The following PLCB3 variants were observed in gnomAD, a reference collection of about 807,000 sequenced individuals.
PLCB3 encodes phospholipase C beta 3.
Under a neutral mutation model 152.1 loss-of-function variants are expected in PLCB3, and 54 were observed. That is an observed-to-expected ratio of 0.36 (90% CI 0.29 to 0.45). PLCB3 has a LOEUF of 0.45. Among genes scored for constraint, PLCB3 ranks in the 20% least tolerant of loss-of-function variants. The pLI is 1.00. For synonymous variants in PLCB3, 717 were observed against 698.7 expected, an observed-to-expected ratio of 1.03 and a Z score of -0.41; for missense variants, 1,248 against 1,687.5, an observed-to-expected ratio of 0.74 and a Z score of 4.56.
At chr11:64,262,929 G>A (rs2031928914) in intron 19 of PLCB3, 121 bp downstream of exon 19, 2 of 1,005,298 alleles carry the variant, frequency 2.0e-6, no homozygotes, top group Non-Finnish European at 1.5e-6. Flanking sequence ...AAAGTGGGGG[G>A]TGCCATGGGT....
chr11:64,255,639 C>CCGGGGGGG lies in PLCB3; in HGVS notation c.597+23_597+24insCGGGGGGG. On this transcript the variant is annotated intron_variant, in intron 7 of 30. Coordinates refer to ENST00000279230, the MANE Select transcript of PLCB3 (RefSeq NM_000932.5). This position sits in a 1 kb window ranked among gnomAD's most constrained non-coding sequence, Gnocchi z 6.8. Reference sequence around the variant, plus strand: ...CGGGTGTGTGGGGTGGGGACAGGGGCGGGGTGGGGTGTCACGGTGGGCACC... The same window carrying CCGGGGGGG: ...CGGGTGTGTGGGGTGGGGACAGGGGCCGGGGGGGGGGGTGGGGTGTCACGGTGGGCACC... 15 of 645,390 alleles carry CCGGGGGGG rather than the reference C, an allele frequency of 2.3e-5. No individual in the cohort carries two copies. Among genetic ancestry groups the CCGGGGGGG allele is most frequent in the Non-Finnish European group, 4.0e-5 (15 of 370,652 alleles). 40.0% of individuals were successfully genotyped at this position (645,390 alleles called of 1,614,324 possible). A position where few individuals can be genotyped will look rare whatever the true frequency, so the allele number is the denominator to read the frequency against.
rs1248260223 is a variant in PLCB3, at chr11:64,259,238, C to A, written c.1519C>A (p.Gln507Lys). ...SSAATEPSSPQLGSPSSDSCP... is the reference protein window; with the variant it reads ...SSAATEPSSPKLGSPSSDSCP... ...CGCGGCCACCGAGCCCTCCTCCCCGCAGCTGGGTAGGCCCCAGCCCGGCCC... is the reference window on the plus strand; with the variant it reads ...CGCGGCCACCGAGCCCTCCTCCCCGAAGCTGGGTAGGCCCCAGCCCGGCCC... Residue 507 changes from glutamine to lysine, a missense_variant, in exon 13 of 31, where the codon CAG (glutamine) becomes AAG (lysine). By Grantham distance (53) the Gln-to-Lys change is moderately conservative (BLOSUM62 1). This residue lies in a region of PLCB3 where 105 missense variants were observed against 100.9 expected (regional missense o/e 1.04). Transcript: ENST00000279230. 6 of 1,535,072 alleles carry A rather than the reference C, an allele frequency of 3.9e-6. No individual in the cohort carries two copies. The Admixed American group carries it at 9.7e-5, about 25-fold the overall frequency.
intron 19 of PLCB3, 75 bp downstream of exon 19, chr11:64,262,883 C>T: frequency 6.8e-7 from 1 of 1,470,142 alleles, no homozygotes. Flanking sequence ...GGTGGGAGAA[C>T]AGGAACCAGG....
At position 64,258,341 on chromosome 11, in the gene PLCB3, A is replaced by G; in HGVS notation, c.1013-132A>G. On this transcript the variant is annotated intron_variant, in intron 10 of 30. Transcript: ENST00000279230. The surrounding 1 kb of genome is among the most constrained non-coding windows in gnomAD (Gnocchi z 7.2). ...CCCCCAGCTCACGCTGGTGGGATGG[A>G]CAGGTGGTGGGTATCCATCTGAGAG... The G allele has an allele frequency of 1.0e-6, 1 of 988,718 alleles. No individual in the cohort carries two copies. Among genetic ancestry groups the G allele is most frequent in the Non-Finnish European group, 1.5e-6 (1 of 684,144 alleles). The allele number at this position is 988,718 out of a possible 1,614,324, so 61.2% of individuals were successfully genotyped here.
rs530167219 is a variant in PLCB3 at position 64,258,654 on chromosome 11, G to C, written c.1194G>C (p.Glu398Asp). The change falls in exon 11 of 31, where the codon GAG becomes GAC. Residue 398 changes from glutamate to aspartate, a missense_variant. Transcript: ENST00000279230. The surrounding 1 kb of genome is among the most constrained non-coding windows in gnomAD (Gnocchi z 7.2). ...PLRDVLEAIA[E>D]TAFKTSPYPV... ...GCGACGTGCTGGAGGCCATTGCCGA[G>C]ACTGCCTTCAAGACCTCGCCCTACC... 11 of 1,614,040 alleles carry C rather than the reference G, an allele frequency of 6.8e-6. No homozygotes were observed. In the South Asian group the frequency reaches 1.2e-4, roughly 18 times the overall value.
chr11:64,266,496 G>C lies in PLCB3; in HGVS notation c.3358G>C (p.Glu1120Gln). The change falls in exon 29 of 31, where the codon GAA becomes CAA. Residue 1120 changes from glutamate (E) to glutamine (Q), a missense_variant and splice_region_variant. Glu to Gln is a conservative substitution (Grantham distance 29). This residue lies in a region of PLCB3 where 477 missense variants were observed against 489.6 expected (regional missense o/e 0.97). Transcript: ENST00000279230. This position sits in a 1 kb window ranked among gnomAD's most constrained non-coding sequence, Gnocchi z 4.9. Reference protein sequence around the residue: ...KMRDKHKKEAELTEINRRHIT... With the variant: ...KMRDKHKKEAQLTEINRRHIT... ...CCATCCTGCGTTGCTCCCGTGCAGG[G>C]AACTGACGGAGATTAACCGTCGGCA... 6.2e-7 allele frequency: 1 copy of C among 1,613,756 alleles called. No homozygotes were observed. Among genetic ancestry groups the C allele is most frequent in the Non-Finnish European group, 8.5e-7 (1 of 1,179,852 alleles).
downstream of PLCB3, among the ~76,000 whole-genome samples, chr11:64,269,425 T>A (rs2032325282): frequency 6.6e-6 from 1 of 152,236 alleles, no homozygotes; most frequent in Non-Finnish European, 1.5e-5. Context: ...GGTCCCCGCA[T>A]GAAGCCTCAG....
In PLCB3 at chr11:64,258,367, A is replaced by C. The variant is rs1358731127; in HGVS notation, c.1013-106A>C. On this transcript the variant is annotated intron_variant, in intron 10 of 30. Transcript: ENST00000279230. This position sits in a 1 kb window ranked among gnomAD's most constrained non-coding sequence, Gnocchi z 7.2. ...CAGGTGGTGGGTATCCATCTGAGAG[A>C]TGGAGAGCCCTCTGCAAATCCAGCA... 1 of 1,302,956 alleles carries C rather than the reference A, an allele frequency of 7.7e-7. No individual in the cohort carries two copies. The highest frequency in any genetic ancestry group is 1.0e-6 in the Non-Finnish European group (1 of 954,778). The allele number at this position is 1,302,956 out of a possible 1,614,324, so 80.7% of individuals were successfully genotyped here.
At chr11:64,261,331 G>C (rs1591109687) in intron 14 of PLCB3, 69 bp from the exon 15 acceptor site, 1 of 1,110,856 alleles carries the variant, frequency 9.0e-7, no homozygotes, top group East Asian at 2.3e-5. Flanking sequence ...CCTCCTTCAT[G>C]GGGGGCAGGT....
chr11:64,259,211 T>C lies in PLCB3; in HGVS notation c.1492T>C (p.Ser498Pro), dbSNP rs753428543. ...EQSNSALSES[S>P]AATEPSSPQL... ...GAGCAATTCTGCCCTGAGCGAGAGCTCCGCGGCCACCGAGCCCTCCTCCCC... is the reference window on the plus strand; with the variant it reads ...GAGCAATTCTGCCCTGAGCGAGAGCCCCGCGGCCACCGAGCCCTCCTCCCC... Residue 498 changes from serine to proline, a missense_variant, in exon 13 of 31, where the codon TCC becomes CCC. Physicochemically the swap from Ser to Pro is moderately conservative, Grantham distance 74 (BLOSUM62 -1). Transcript: ENST00000279230. 19 of 1,568,294 alleles carry C rather than the reference T, an allele frequency of 1.2e-5. No homozygotes were observed. The highest frequency in any genetic ancestry group is 1.5e-5 in the Non-Finnish European group (17 of 1,158,556).
chr11:64,255,148 AC>A lies in PLCB3; in HGVS notation c.388-84del. 2 of 1,517,116 alleles carry A rather than the reference AC, an allele frequency of 1.3e-6. No homozygotes were observed. The highest frequency in any genetic ancestry group is 1.8e-6 in the Non-Finnish European group (2 of 1,093,278). 94.0% of individuals were successfully genotyped at this position (1,517,116 alleles called of 1,614,324 possible). A position where few individuals can be genotyped will look rare whatever the true frequency, so the allele number is the denominator to read the frequency against. ...TAGGCTGCTCTGTGACCTACTGTGT[AC>A]CAGAGGCAGTTGTGGACCTGGGTTG... On this transcript the variant is annotated intron_variant, in intron 4 of 30. Coordinates refer to ENST00000279230, the MANE Select transcript of PLCB3 (RefSeq NM_000932.5). The surrounding 1 kb of genome is among the most constrained non-coding windows in gnomAD (Gnocchi z 6.8).
intron 22 of PLCB3, among the ~76,000 whole-genome samples, chr11:64,264,580 C>G (rs894462834): frequency 6.6e-6 from 1 of 151,964 alleles, no homozygotes; most frequent in African/African-American, 2.4e-5. Flanking sequence ...GTTGAGTCCT[C>G]TGTTGATTTA....
In PLCB3 at chr11:64,265,612, G is replaced by A. The variant is rs1032879871; in HGVS notation, c.3035+110G>A. On this transcript the variant is annotated intron_variant, in intron 25 of 30. Transcript: ENST00000279230. ...GAGCTGCTCCTTGACCCCCAGGGAG[G>A]AGGGTTCAGTGCAAGGATGGAGGAG... 2.7e-6 allele frequency: 4 copies of A among 1,457,720 alleles called. No individual in the cohort carries two copies. In the African/African-American group the frequency reaches 4.2e-5, roughly 15 times the overall value. 90.3% of individuals were successfully genotyped at this position (1,457,720 alleles called of 1,614,324 possible). A position where few individuals can be genotyped will look rare whatever the true frequency, so the allele number is the denominator to read the frequency against.
rs1347414657 is a variant in PLCB3, at chr11:64,267,506, C to T, written c.3655C>T (p.His1219Tyr). ...CGGTCACGCACCCGGGAGCAGCGGGCACCTGTCGGGCGCTGACTCGGAGAG... is the reference window on the plus strand; with the variant it reads ...CGGTCACGCACCCGGGAGCAGCGGGTACCTGTCGGGCGCTGACTCGGAGAG... ...SNGHAPGSSGHLSGADSESQE... is the reference protein window; with the variant it reads ...SNGHAPGSSGYLSGADSESQE... The change falls in exon 31 of 31, where the codon CAC becomes TAC. Residue 1219 changes from histidine (H) to tyrosine (Y), a missense_variant. This residue lies in a region of PLCB3 where 477 missense variants were observed against 489.6 expected (regional missense o/e 0.97). Transcript: ENST00000279230. The surrounding 1 kb of genome is among the most constrained non-coding windows in gnomAD (Gnocchi z 5.2). 1.9e-6 allele frequency: 3 copies of T among 1,569,944 alleles called. No homozygotes were observed. Among genetic ancestry groups the T allele is most frequent in the Non-Finnish European group, 2.6e-6 (3 of 1,161,986 alleles).
intron 10 of PLCB3, among the ~76,000 whole-genome samples, chr11:64,257,353 G>T (rs1421756756): frequency 6.6e-6 from 1 of 152,124 alleles, no homozygotes; most frequent in Non-Finnish European, 1.5e-5. Context: ...GGTGACTCAT[G>T]CCTGTAATCC....
At position 64,261,979 on chromosome 11, in the gene PLCB3, C is replaced by A. The variant is rs761257298; in HGVS notation, c.1941C>A (p.Ile647=). The A allele has an allele frequency of 1.2e-6, 2 of 1,614,200 alleles. No individual in the cohort carries two copies. Among genetic ancestry groups the A allele is most frequent in the South Asian group, 2.2e-5 (2 of 91,090 alleles). Reference sequence around the variant, plus strand: ...ACAACAAGCAGCAGCTCAGCCGCATCTACCCCAAGGGCACCCGCGTGGACT... The same window carrying A: ...ACAACAAGCAGCAGCTCAGCCGCATATACCCCAAGGGCACCCGCGTGGACT... ...VEYNKQQLSR[I]YPKGTRVDSS... Residue 647 remains isoleucine, a synonymous_variant, in exon 17 of 31, where the codon ATC becomes ATA. Coordinates refer to ENST00000279230, the MANE Select transcript of PLCB3 (RefSeq NM_000932.5).
chr11:64,254,803 C>G lies in PLCB3; in HGVS notation c.233C>G (p.Ala78Gly). The change falls in exon 3 of 31, where the codon GCC (alanine) becomes GGC (glycine). Residue 78 changes from alanine (A) to glycine (G), a missense_variant. Physicochemically the swap from Ala to Gly is moderately conservative, Grantham distance 60. Around this residue, in one of 6 missense-constraint regions of PLCB3, gnomAD observed 299 missense variants for 434.7 expected, o/e 0.69. Coordinates refer to ENST00000279230, the MANE Select transcript of PLCB3 (RefSeq NM_000932.5). ...SIRDTRTGRY[A>G]RLPKDPKIRE... ...AGGGACACACGGACAGGCCGGTACG[C>G]CCGCCTGCCCAAGGTGAGTGATGAG... 1 of 1,613,782 alleles carries G rather than the reference C, an allele frequency of 6.2e-7. No homozygotes were observed. Among genetic ancestry groups the G allele is most frequent in the Non-Finnish European group, 8.5e-7 (1 of 1,179,996 alleles).
At chr11:64,254,863 A>C in intron 3 of PLCB3, 35 bp from the exon 4 acceptor site, 1 of 1,613,512 alleles carries the variant, frequency 6.2e-7, no homozygotes. Flanking sequence ...GCTGTGCGGG[A>C]GCCCCCTCTT....
Position 64,260,177 on chromosome 11 carries a change from G to A in PLCB3, c.1674G>A (p.Glu558=), listed in dbSNP as rs1306059528. ...YVLGPADRED[E]EEDEEEEEQT... The stretch of plus-strand genomic sequence containing the variant: ...TTGGACCTGCTGACCGTGAGGATGA[G>A]GAGGAAGATGAGGAAGAGGAGGAAC... Residue 558 remains glutamate, a synonymous_variant, in exon 14 of 31, where the codon GAG becomes GAA. Coordinates refer to ENST00000279230, the MANE Select transcript of PLCB3 (RefSeq NM_000932.5). 4 of 1,604,088 alleles carry A rather than the reference G, an allele frequency of 2.5e-6. No individual in the cohort carries two copies. Among genetic ancestry groups the A allele is most frequent in the Admixed American group, 1.7e-5 (1 of 58,210 alleles).
Sources: gnomAD v4.1 joint callset for allele counts (sites outside exome capture counted in the v4.1 genomes callset) on GRCh38, gnomAD v4.1.1 for gene constraint, gnomAD v4.1.1 regional missense constraint, Gnocchi (gnomAD v3.1) non-coding constraint, MANE v1.5 for transcripts, NCBI Gene and HGNC (gene_info 2026-07-23, HGNC 2026-07-21) for gene names.